Variants in LRRC4C observed in about 807,000 individuals in gnomAD.
LRRC4C encodes the protein leucine-rich repeat-containing protein 4C.
LRRC4C carries 5 observed loss-of-function variants against 33.6 expected under a neutral mutation model. That is an observed-to-expected ratio of 0.15 (90% confidence interval 0.08 to 0.31). LRRC4C has a LOEUF of 0.31. Among genes scored for constraint, LRRC4C ranks in the 10% least tolerant of loss-of-function variants. LRRC4C has a pLI of 1.00. For missense variants in LRRC4C, 560 were observed against 796.7 expected, an observed-to-expected ratio of 0.70 and a Z score of 3.58; for synonymous variants, 329 against 302.0, an observed-to-expected ratio of 1.09 and a Z score of -0.93.
intron 1 of LRRC4C, among the ~76,000 whole-genome samples, chr11:41,415,808 T>C (rs938940195): frequency 6.6e-6 from 1 of 152,126 alleles, no homozygotes; most frequent in African/African-American, 2.4e-5. Flanking sequence ...TATGTTTCAA[T>C]GAAAACTTTC....
At chr11:41,414,764 A>G (rs1674573417) in intron 1 of LRRC4C, among the ~76,000 whole-genome samples, 1 of 152,100 alleles carries the variant, frequency 6.6e-6, no homozygotes, top group South Asian at 2.1e-4. Context: ...GAATTAGCCA[A>G]AATAAAAGAT....
chr11:40,626,019 T>G (rs553113840), intron 3 of LRRC4C, among the ~76,000 whole-genome samples: 2 of 152,258 alleles, frequency 1.3e-5, no homozygotes, highest in Admixed American at 6.5e-5. Context: ...TATTTTTCAC[T>G]CAGAATAAAA....
chr11:40,889,329 A>C (rs1955599695), intron 2 of LRRC4C, among the ~76,000 whole-genome samples: 1 of 152,112 alleles, frequency 6.6e-6, no homozygotes, highest in Non-Finnish European at 1.5e-5. Flanking sequence ...AGTATGCTTC[A>C]ATTTTTATGA....
intron 4 of LRRC4C, among the ~76,000 whole-genome samples, chr11:40,262,687 T>C (rs2136273704): frequency 6.6e-6 from 1 of 152,234 alleles, no homozygotes; most frequent in East Asian, 1.9e-4. Context: ...TGCAGGGACA[T>C]GGATGCAGCC....
chr11:41,111,929 A>C (rs774252198), intron 1 of LRRC4C, among the ~76,000 whole-genome samples: 3 of 152,060 alleles, frequency 2.0e-5, no homozygotes, highest in Non-Finnish European at 4.4e-5. Context: ...TAGAGAAAAT[A>C]TATTTTTTTT....
intron 1 of LRRC4C, among the ~76,000 whole-genome samples, chr11:41,363,085 G>A (rs770437237): frequency 1.3e-5 from 2 of 152,188 alleles, no homozygotes; most frequent in African/African-American, 4.8e-5. Context: ...TGTCCATCAT[G>A]ATGTCACATC....
At chr11:41,219,834 CCAGA>C (rs1947225789) in intron 1 of LRRC4C, among the ~76,000 whole-genome samples, 1 of 152,106 alleles carries the variant, frequency 6.6e-6, no homozygotes, top group Non-Finnish European at 1.5e-5. Context: ...ACTGCACATG[CCAGA>C]CAGAGGCTAG....
intron 1 of LRRC4C, among the ~76,000 whole-genome samples, chr11:40,961,563 T>G (rs1850980571): frequency 6.6e-6 from 1 of 151,738 alleles, no homozygotes; most frequent in Non-Finnish European, 1.5e-5. Context: ...AGCTATAGAT[T>G]ATATGGGGAA....
chr11:40,729,560 C>A (rs1403966981), intron 2 of LRRC4C, among the ~76,000 whole-genome samples: 3 of 152,068 alleles, frequency 2.0e-5, no homozygotes, highest in Non-Finnish European at 4.4e-5. Context: ...TAAGATCATT[C>A]CCCAAAGCCT....
At chr11:40,313,106 C>T (rs1435233276) in intron 4 of LRRC4C, among the ~76,000 whole-genome samples, 2 of 152,114 alleles carry the variant, frequency 1.3e-5, no homozygotes, top group African/African-American at 4.8e-5. Flanking sequence ...TTTTCAATCT[C>T]TACCTCTGGA....
intron 2 of LRRC4C, among the ~76,000 whole-genome samples, chr11:40,712,918 T>G (rs1444287062): frequency 1.3e-5 from 2 of 151,944 alleles, no homozygotes; most frequent in African/African-American, 2.4e-5. Flanking sequence ...AGATGGAGTC[T>G]CACTCTGTTG....
chr11:41,003,577 T>C (rs1854531246), intron 1 of LRRC4C, among the ~76,000 whole-genome samples: 1 of 152,126 alleles, frequency 6.6e-6, no homozygotes, highest in African/African-American at 2.4e-5. Flanking sequence ...GCACTATTTT[T>C]TCCCATATCC....
chr11:41,143,069 T>C (rs1943579296), intron 1 of LRRC4C, among the ~76,000 whole-genome samples: 1 of 151,972 alleles, frequency 6.6e-6, no homozygotes, highest in South Asian at 2.1e-4. Flanking sequence ...GGTGGTGGAG[T>C]AGAGGAGCTG....
intron 3 of LRRC4C, among the ~76,000 whole-genome samples, chr11:40,635,414 T>C (rs944838438): frequency 3.3e-5 from 5 of 152,132 alleles, no homozygotes; most frequent in Non-Finnish European, 7.3e-5. Flanking sequence ...AGCTAGATGA[T>C]GCTCATTGTT....
At chr11:40,661,917 T>C (rs1271997342) in intron 2 of LRRC4C, among the ~76,000 whole-genome samples, 3 of 152,118 alleles carry the variant, frequency 2.0e-5, no homozygotes, top group African/African-American at 4.8e-5. Flanking sequence ...CAGAGAGAAG[T>C]AAAGAATGAA....
At chr11:40,989,672 G>C (rs564531866) in intron 1 of LRRC4C, among the ~76,000 whole-genome samples, 1 of 152,176 alleles carries the variant, frequency 6.6e-6, no homozygotes, top group African/African-American at 2.4e-5. Context: ...GGTTGATTTT[G>C]TGGGTGGGGG....
intron 3 of LRRC4C, among the ~76,000 whole-genome samples, chr11:40,525,341 G>A (rs1423491317): frequency 6.6e-6 from 1 of 152,092 alleles, no homozygotes; most frequent in Non-Finnish European, 1.5e-5. Context: ...AGCTATTCGG[G>A]AGGCTGAGGC....
intron 1 of LRRC4C, among the ~76,000 whole-genome samples, chr11:41,267,841 G>A (rs557448684): frequency 3.3e-5 from 5 of 152,032 alleles, no homozygotes; most frequent in African/African-American, 4.8e-5. Flanking sequence ...GTCTAATAAT[G>A]TAATGCCTGA....
intron 4 of LRRC4C, among the ~76,000 whole-genome samples, chr11:40,273,625 A>G (rs1014774168): frequency 1.3e-5 from 2 of 152,146 alleles, no homozygotes; most frequent in Admixed American, 6.6e-5. Context: ...ATCATAAAAC[A>G]TATTTTCTCT....
Sources: gnomAD v4.1 joint callset for allele counts (sites outside exome capture counted in the v4.1 genomes callset) on GRCh38, gnomAD v4.1.1 for gene constraint, MANE v1.5 for transcripts, NCBI Gene and HGNC (gene_info 2026-07-23, HGNC 2026-07-21) for gene names.